The following SCARA5 variants were observed in gnomAD, a reference collection of about 807,000 sequenced individuals.
The protein encoded by SCARA5 is scavenger receptor class A member 5.
SCARA5 carries 45 observed loss-of-function variants against 46.3 expected under a neutral mutation model. That is an observed-to-expected ratio of 0.97 (90% CI 0.76 to 1.24). The LOEUF is 1.24. SCARA5 is among the 50% of genes most tolerant of loss of function. The pLI is 0.00. For missense variants in SCARA5, 680 were observed against 689.0 expected (o/e 0.99, Z 0.15); for synonymous variants, 333 against 306.5 (o/e 1.09, Z -0.90).
At chr8:27,958,034 G>T (rs1246546296) in intron 3 of SCARA5, among the ~76,000 whole-genome samples, 1 of 152,244 alleles carries the variant, frequency 6.6e-6, no homozygotes, top group Non-Finnish European at 1.5e-5. Flanking sequence ...AAAAACAGGT[G>T]GTGGCTGGAT....
intron 3 of SCARA5, among the ~76,000 whole-genome samples, chr8:27,955,906 G>A (rs759698564): frequency 6.6e-6 from 1 of 152,206 alleles, no homozygotes; most frequent in African/African-American, 2.4e-5. Flanking sequence ...GGGCAGGTGA[G>A]ATACAGCTGG....
chr8:27,905,712 T>C (rs1237416500), intron 6 of SCARA5, among the ~76,000 whole-genome samples: 1 of 147,436 alleles, frequency 6.8e-6, no homozygotes, highest in African/African-American at 2.5e-5. Flanking sequence ...TTTCTTTTTT[T>C]TTTTTTTTTT....
intron 1 of SCARA5, among the ~76,000 whole-genome samples, chr8:27,989,825 G>A (rs1055420176): frequency 6.6e-6 from 1 of 152,210 alleles, no homozygotes; most frequent in Non-Finnish European, 1.5e-5. Context: ...CTCTAGGTGG[G>A]GCCGCGGGCA....
intron 7 of SCARA5, among the ~76,000 whole-genome samples, chr8:27,897,326 G>C (rs531546039): frequency 6.6e-6 from 1 of 152,268 alleles, no homozygotes; most frequent in South Asian, 2.1e-4. Flanking sequence ...CCAGCATAAC[G>C]GGAGCTCGGG....
chr8:27,969,968 G>A (rs2726932), intron 2 of SCARA5, among the ~76,000 whole-genome samples: 82,212 of 151,562 alleles, frequency 0.54, 22,441 homozygotes, highest in South Asian at 0.66. Flanking sequence ...CACGATCCCA[G>A]CACCTTCTGC....
At chr8:27,960,358 G>C (rs565566116) in intron 3 of SCARA5, among the ~76,000 whole-genome samples, 1 of 151,872 alleles carries the variant, frequency 6.6e-6, no homozygotes, top group Non-Finnish European at 1.5e-5. Flanking sequence ...TTAATTATTC[G>C]TAGAGATGAG....
chr8:27,956,330 G>A (rs1808207446), intron 3 of SCARA5, among the ~76,000 whole-genome samples: 1 of 152,118 alleles, frequency 6.6e-6, no homozygotes, highest in African/African-American at 2.4e-5. Flanking sequence ...GGAGAGAAAA[G>A]GGACAAGGCC....
chr8:27,903,874 G>A (rs1475945008), intron 7 of SCARA5, among the ~76,000 whole-genome samples: 1 of 152,178 alleles, frequency 6.6e-6, no homozygotes, highest in Non-Finnish European at 1.5e-5. Context: ...GAGCCTAGAT[G>A]CCAGAGGCAG....
At chr8:27,986,539 G>T (rs964553044) in intron 2 of SCARA5, among the ~76,000 whole-genome samples, 4 of 152,182 alleles carry the variant, frequency 2.6e-5, no homozygotes, top group African/African-American at 9.7e-5. Context: ...CCACCATGGT[G>T]GACAATCCTA....
At chr8:27,931,122 G>T (rs939689680) in intron 3 of SCARA5, among the ~76,000 whole-genome samples, 3 of 152,238 alleles carry the variant, frequency 2.0e-5, no homozygotes, top group African/African-American at 7.2e-5. Context: ...CTGCAAGAAA[G>T]AAGTTATCAG....
intron 4 of SCARA5, among the ~76,000 whole-genome samples, chr8:27,920,801 A>G (rs1807570380): frequency 6.6e-6 from 1 of 151,852 alleles, no homozygotes; most frequent in Non-Finnish European, 1.5e-5. Flanking sequence ...CCAGACCCCA[A>G]CTTGAAAACA....
At chr8:27,983,106 G>C (rs1808649353) in intron 2 of SCARA5, among the ~76,000 whole-genome samples, 1 of 152,182 alleles carries the variant, frequency 6.6e-6, no homozygotes, top group Admixed American at 6.5e-5. Flanking sequence ...GCTGCAGGGA[G>C]CTCCTTTCAT....
chr8:27,988,076 A>G (rs988138159), intron 1 of SCARA5, among the ~76,000 whole-genome samples: 3 of 152,150 alleles, frequency 2.0e-5, no homozygotes, highest in Non-Finnish European at 4.4e-5. Context: ...GTTGGAAATG[A>G]AGGAAGGAAA....
At chr8:27,940,106 A>G (rs760310785) in intron 3 of SCARA5, among the ~76,000 whole-genome samples, 4 of 152,140 alleles carry the variant, frequency 2.6e-5, no homozygotes, top group Non-Finnish European at 4.4e-5. Flanking sequence ...GCTCACCATC[A>G]TTCCCCCAGG....
rs978189924 is a variant in SCARA5, at chr8:27,992,241, T to C, written c.-16+16A>G. ...GCATGCCCAGGAGATAGGACAAAAT[T>C]AGTACCAAGACTCACCTGAGTGCCC... On this transcript the variant is annotated intron_variant, in intron 1 of 8. Transcript: ENST00000354914. The C allele has an allele frequency of 1.3e-5, 2 of 152,202 alleles. No homozygotes were observed. Among genetic ancestry groups the C allele is most frequent in the Non-Finnish European group, 2.9e-5 (2 of 68,090 alleles). The allele number at this position is 152,202 out of a possible 1,614,324, so 9.4% of individuals were successfully genotyped here. A position where few individuals can be genotyped will look rare whatever the true frequency, so the allele number is the denominator to read the frequency against.
intron 8 of SCARA5, among the ~76,000 whole-genome samples, chr8:27,878,661 G>A (rs1806762084): frequency 6.6e-6 from 1 of 152,242 alleles, no homozygotes; most frequent in Admixed American, 6.5e-5. Flanking sequence ...GAGAGGCAGA[G>A]ACAGCCCAGC....
At chr8:27,952,166 C>T (rs999089138) in intron 3 of SCARA5, among the ~76,000 whole-genome samples, 2 of 152,022 alleles carry the variant, frequency 1.3e-5, no homozygotes, top group African/African-American at 4.8e-5. Flanking sequence ...AATGAGCCTA[C>T]AAGCCAAGAA....
intron 1 of SCARA5, among the ~76,000 whole-genome samples, chr8:27,989,865 C>T (rs1209705466): frequency 3.3e-5 from 5 of 152,270 alleles, no homozygotes; most frequent in African/African-American, 1.2e-4. Flanking sequence ...GCAAGGGACC[C>T]TCCCTCATTT....
rs1383688778 is a variant in SCARA5 at position 27,943,109 on chromosome 8, C to A, written c.242-20864G>T. 4.6e-5 allele frequency among the ~76,000 whole-genome samples: 7 copies of A among 152,236 alleles called. No homozygotes were observed. The East Asian group carries it at 9.7e-4, about 21-fold the overall frequency. ...TCCTGTGATGCCTTGAAGGAGCCATCCAACATAGAAGCACCAAGAGGTTGG... is the reference window on the plus strand; with the variant it reads ...TCCTGTGATGCCTTGAAGGAGCCATACAACATAGAAGCACCAAGAGGTTGG... On this transcript the variant is annotated intron_variant, in intron 3 of 8. Transcript: ENST00000354914.
Sources: gnomAD v4.1 joint callset for allele counts (sites outside exome capture counted in the v4.1 genomes callset) on GRCh38, gnomAD v4.1.1 for gene constraint, MANE v1.5 for transcripts, NCBI Gene and HGNC (gene_info 2026-07-23, HGNC 2026-07-21) for gene names.